Variants in MYO5A observed in about 807,000 individuals in gnomAD.
MYO5A encodes the protein unconventional myosin-Va.
MYO5A carries 98 observed loss-of-function variants against 249.7 expected under a neutral mutation model. The observed-to-expected ratio is 0.39, with a 90% CI of 0.33 to 0.46. The LOEUF is 0.46. Among genes scored for constraint, MYO5A ranks in the 20% least tolerant of loss-of-function variants. MYO5A has a pLI of 0.98. For missense variants in MYO5A, 1,696 were observed against 2,308.8 expected (o/e 0.73, Z 5.44); for synonymous variants, 778 against 810.6 (o/e 0.96, Z 0.68).
At chr15:52,519,917 G>C (rs1233114778) in intron 1 of MYO5A, among the ~76,000 whole-genome samples, 1 of 152,044 alleles carries the variant, frequency 6.6e-6, no homozygotes, top group African/African-American at 2.4e-5. Context: ...TTTTAGTAGA[G>C]ACAGGGTTTC....
intron 1 of MYO5A, among the ~76,000 whole-genome samples, chr15:52,489,010 T>C (rs1048687629): frequency 1.3e-5 from 2 of 152,218 alleles, no homozygotes; most frequent in Non-Finnish European, 2.9e-5. Flanking sequence ...AACCTTAACT[T>C]ATCTTCTACA....
At chr15:52,427,221 G>A (rs1368522708) in intron 3 of MYO5A, among the ~76,000 whole-genome samples, 1 of 152,160 alleles carries the variant, frequency 6.6e-6, no homozygotes, top group Non-Finnish European at 1.5e-5. Flanking sequence ...TTCAATAAAT[G>A]TTTATTCAGC....
chr15:52,392,128 T>C, intron 11 of MYO5A, 58 bp from the exon 12 acceptor site: 1 of 1,505,836 alleles, frequency 6.6e-7, no homozygotes, highest in Admixed American at 1.7e-5. Flanking sequence ...AAGAATGTAG[T>C]CAAGATGATA....
intron 10 of MYO5A, among the ~76,000 whole-genome samples, chr15:52,396,894 A>T (rs1263551540): frequency 6.6e-6 from 1 of 152,242 alleles, no homozygotes; most frequent in Non-Finnish European, 1.5e-5. Context: ...AAATAAGGCA[A>T]ACTAGCAAAT....
intron 5 of MYO5A, among the ~76,000 whole-genome samples, chr15:52,410,716 TAC>T (rs1324617066): frequency 1.4e-4 from 22 of 151,916 alleles, no homozygotes; most frequent in Non-Finnish European, 2.2e-4. Flanking sequence ...CCTCTGGGAT[TAC>T]AGGCACATGC....
Position 52,307,922 on chromosome 15 carries a change from C to T in MYO5A, c.*5774G>A, listed in dbSNP as rs866046130. 14 of 152,192 alleles carry T rather than the reference C, an allele frequency of 9.2e-5. No individual in the cohort carries two copies. Among genetic ancestry groups the T allele is most frequent in the Non-Finnish European group, 1.5e-4 (10 of 67,994 alleles). The allele number at this position is 152,192 out of a possible 1,614,324, so 9.4% of individuals were successfully genotyped here. ...GAATCATAAATTACAACATATATAT[C>T]CACATTTAAAGAAAAAATTCACCAT... On this transcript the variant is annotated 3_prime_UTR_variant, in exon 42 of 42. Transcript: ENST00000399233.
At chr15:52,450,239 A>T (rs771006144) in intron 1 of MYO5A, among the ~76,000 whole-genome samples, 11 of 152,128 alleles carry the variant, frequency 7.2e-5, no homozygotes, top group Admixed American at 3.3e-4. Flanking sequence ...CAATGAGGGT[A>T]ATAATACCTA....
intron 9 of MYO5A, among the ~76,000 whole-genome samples, chr15:52,401,278 C>G (rs2042742880): frequency 6.6e-6 from 1 of 152,148 alleles, no homozygotes; most frequent in African/African-American, 2.4e-5. Flanking sequence ...CCATGTTGGC[C>G]AGGCTAGTCT....
intron 1 of MYO5A, among the ~76,000 whole-genome samples, chr15:52,486,272 T>A (rs756699263): frequency 6.6e-6 from 1 of 152,224 alleles, no homozygotes; most frequent in Non-Finnish European, 1.5e-5. Flanking sequence ...ACGTCCATTT[T>A]AATCCTAATA....
intron 24 of MYO5A, 74 bp downstream of exon 24, chr15:52,364,480 A>G (rs866474413): frequency 4.8e-5 from 67 of 1,406,076 alleles, no homozygotes; most frequent in South Asian, 3.5e-4. Context: ...ATGGAGGTTC[A>G]TTCTACTATT....
rs749503702 is a variant in MYO5A, at chr15:52,313,723, G to A, written c.5616C>T (p.Leu1872=). 1.2e-5 allele frequency: 20 copies of A among 1,614,038 alleles called. No individual in the cohort carries two copies. Among genetic ancestry groups the A allele is most frequent in the South Asian group, 3.3e-5 (3 of 91,090 alleles). The change falls in exon 42 of 42, where the codon CTC becomes CTT. Residue 1872 remains leucine (L), a synonymous_variant. Coordinates refer to ENST00000399233, the MANE Select transcript of MYO5A (RefSeq NM_001382347.1). Reference sequence around the variant, plus strand: ...AGACCCGTGAAATGAAGCCCAGGCCGAGGCTGGCTGGAATCTGGATGGTTT... The same window carrying A: ...AGACCCGTGAAATGAAGCCCAGGCCAAGGCTGGCTGGAATCTGGATGGTTT... ...ALETIQIPAS[L]GLGFISRV
chr15:52,520,939 C>A lies in MYO5A; in HGVS notation c.27+7841G>T, dbSNP rs368690988. Among the ~76,000 whole-genome samples the A allele has an allele frequency of 8.6e-4, 131 of 152,160 alleles. 1 individual carries two copies. Among genetic ancestry groups the A allele is most frequent in the African/African-American group, 3.0e-3 (126 of 41,512 alleles). ...TCCACTATTCTGGATGTCAAAGAGT[C>A]TACTATAGGGCTGGGCACAGTGGTT... is the stretch of plus-strand genomic sequence containing the variant. On this transcript the variant is annotated intron_variant, in intron 1 of 41. Transcript: ENST00000399233.
rs1464158721 is a variant in MYO5A at position 52,308,263 on chromosome 15, T to C, written c.*5433A>G. ...AAAGTATAAAAAGCATTTTGGAAGA[T>C]ATTTTACATAGTATTTTTCAGTTCC... On this transcript the variant is annotated 3_prime_UTR_variant, in exon 42 of 42. Coordinates refer to ENST00000399233, the MANE Select transcript of MYO5A (RefSeq NM_001382347.1). 1 of 152,232 alleles carries C rather than the reference T, an allele frequency of 6.6e-6. No homozygotes were observed. The highest frequency in any genetic ancestry group is 1.5e-5 in the Non-Finnish European group (1 of 68,030). 9.4% of individuals were successfully genotyped at this position (152,232 alleles called of 1,614,324 possible).
chr15:52,504,867 C>T (rs374400598), intron 1 of MYO5A, among the ~76,000 whole-genome samples: 5 of 148,534 alleles, frequency 3.4e-5, no homozygotes, highest in South Asian at 2.1e-4. Context: ...CCAGCCCGGG[C>T]GACACAGCGA....
chr15:52,380,450 G>C (rs2041678258), intron 16 of MYO5A, among the ~76,000 whole-genome samples: 1 of 151,106 alleles, frequency 6.6e-6, no homozygotes, highest in South Asian at 2.1e-4. Flanking sequence ...ACAACAAAAA[G>C]AAAGTCCACT....
At chr15:52,354,881 T>C (rs572508603) in intron 25 of MYO5A, among the ~76,000 whole-genome samples, 1 of 151,728 alleles carries the variant, frequency 6.6e-6, no homozygotes, top group South Asian at 2.1e-4. Context: ...GAATGAAGTA[T>C]ATCAACATGA....
At chr15:52,430,524 G>T (rs1403950764) in intron 2 of MYO5A, among the ~76,000 whole-genome samples, 1 of 152,112 alleles carries the variant, frequency 6.6e-6, no homozygotes, top group Non-Finnish European at 1.5e-5. Flanking sequence ...CAAAAGCCAT[G>T]CTTTCTCTAT....
intron 23 of MYO5A, among the ~76,000 whole-genome samples, chr15:52,364,959 A>T (rs1322954631): frequency 6.6e-6 from 1 of 152,244 alleles, no homozygotes; most frequent in Non-Finnish European, 1.5e-5. Flanking sequence ...CACTGGTTAC[A>T]GCACATCCTT....
In MYO5A at chr15:52,512,582, G is replaced by A. The variant is rs2077414587; in HGVS notation, c.27+16198C>T. Among the ~76,000 whole-genome samples the A allele has an allele frequency of 2.0e-5, 3 of 151,984 alleles. No homozygotes were observed. In the South Asian group the frequency reaches 6.2e-4, roughly 31 times the overall value. On this transcript the variant is annotated intron_variant, in intron 1 of 41. Coordinates refer to ENST00000399233, the MANE Select transcript of MYO5A (RefSeq NM_001382347.1). ...ACATCAAAACATTAAGAGTATCTGA[G>A]GACAGTGAGATTACATACAATTTTT...
Sources: allele counts gnomAD v4.1 joint callset (sites outside exome capture counted in the v4.1 genomes callset), GRCh38; gene constraint gnomAD v4.1.1; transcripts MANE v1.5; gene names NCBI Gene and HGNC (gene_info 2026-07-23, HGNC 2026-07-21).